The following DIAPH3 variants were observed in gnomAD, a reference collection of about 807,000 sequenced individuals.
DIAPH3 encodes protein diaphanous homolog 3.
A neutral mutation model predicts 144.3 loss-of-function variants in DIAPH3; 117 were observed. The ratio of observed to expected loss-of-function variants is 0.81; its 90% CI spans 0.70 to 0.95. DIAPH3 has a LOEUF of 0.95. Among genes scored for constraint, DIAPH3 ranks in the 40% least tolerant of loss-of-function variants. The pLI is 0.00. For missense variants in DIAPH3, 1,421 were observed against 1,412.7 expected (o/e 1.01, Z -0.09); for synonymous variants, 519 against 488.9 (o/e 1.06, Z -0.81).
intron 20 of DIAPH3, among the ~76,000 whole-genome samples, chr13:59,907,426 TGA>T (rs2046794477): frequency 6.6e-6 from 1 of 152,190 alleles, no homozygotes; most frequent in African/African-American, 2.4e-5. Flanking sequence ...TAGCATTAAA[TGA>T]GAGTTTATTG....
chr13:60,108,981 C>A (rs1002173472), intron 3 of DIAPH3, among the ~76,000 whole-genome samples: 2 of 152,124 alleles, frequency 1.3e-5, no homozygotes, highest in Non-Finnish European at 2.9e-5. Flanking sequence ...TGGATTATAA[C>A]TGCTCTTCTG....
intron 23 of DIAPH3, among the ~76,000 whole-genome samples, chr13:59,835,229 A>G (rs2041983255): frequency 6.6e-6 from 1 of 151,776 alleles, no homozygotes; most frequent in Non-Finnish European, 1.5e-5. Flanking sequence ...TCTGAGTTCC[A>G]CTGTATTCTA....
intron 5 of DIAPH3, among the ~76,000 whole-genome samples, chr13:60,025,382 C>A (rs1594391622): frequency 2.5e-5 from 3 of 120,492 alleles, no homozygotes; most frequent in Admixed American, 1.0e-4. Context: ...ATATAATGTC[C>A]AGTATTTCTA....
intron 20 of DIAPH3, among the ~76,000 whole-genome samples, chr13:59,886,942 G>A (rs1016654650): frequency 1.3e-5 from 2 of 151,996 alleles, no homozygotes; most frequent in African/African-American, 4.8e-5. Flanking sequence ...CTGAAAGGAA[G>A]TAATGCAAAT....
chr13:59,847,627 C>T (rs2042720773), intron 22 of DIAPH3, among the ~76,000 whole-genome samples: 1 of 152,086 alleles, frequency 6.6e-6, no homozygotes, highest in Admixed American at 6.6e-5. Flanking sequence ...TGTTTAATAA[C>T]AATATTCAAA....
chr13:59,855,645 G>A (rs1436503157), intron 22 of DIAPH3, among the ~76,000 whole-genome samples: 1 of 151,062 alleles, frequency 6.6e-6, no homozygotes, highest in Non-Finnish European at 1.5e-5. Context: ...CTGGCTTTAC[G>A]AACATAGGTT....
In DIAPH3 at chr13:59,952,096, C is replaced by T. The variant is rs2049127469; in HGVS notation, c.2074+17848G>A. 1.3e-5 allele frequency among the ~76,000 whole-genome samples: 2 copies of T among 152,128 alleles called. 1 individual carries two copies. Among genetic ancestry groups the T allele is most frequent in the South Asian group, 4.1e-4 (2 of 4,828 alleles). On this transcript the variant is annotated intron_variant, in intron 17 of 27. Transcript: ENST00000400324. ...ACCATTAAAAGAAACATAGCACTGA[C>T]ACATGCTACAATGCATACTCAAAAA...
intron 24 of DIAPH3, among the ~76,000 whole-genome samples, chr13:59,818,419 T>C (rs2040892340): frequency 6.6e-6 from 1 of 151,950 alleles, no homozygotes; most frequent in Non-Finnish European, 1.5e-5. Flanking sequence ...CTTCCATTTT[T>C]GCAATAAGTA....
At chr13:59,995,932 T>C (rs191147352) in intron 9 of DIAPH3, among the ~76,000 whole-genome samples, 1 of 152,070 alleles carries the variant, frequency 6.6e-6, no homozygotes, top group East Asian at 1.9e-4. Context: ...TTTTCAACCG[T>C]AGGTTTCAAC....
intron 9 of DIAPH3, among the ~76,000 whole-genome samples, chr13:60,008,269 G>A (rs1240534300): frequency 2.0e-5 from 3 of 151,982 alleles, no homozygotes; most frequent in African/African-American, 4.8e-5. Flanking sequence ...GGTGGCAGGC[G>A]CCTGTAGTCC....
chr13:59,934,470 T>C (rs1417938438), intron 17 of DIAPH3, among the ~76,000 whole-genome samples: 2 of 152,128 alleles, frequency 1.3e-5, no homozygotes, highest in African/African-American at 4.8e-5. Flanking sequence ...AAAAATAAAG[T>C]AAGCAAAATA....
At chr13:60,079,055 T>A (rs2057463351) in intron 4 of DIAPH3, among the ~76,000 whole-genome samples, 1 of 152,032 alleles carries the variant, frequency 6.6e-6, no homozygotes, top group South Asian at 2.1e-4. Flanking sequence ...CACGAGCCAA[T>A]ATGCTCTGTT....
intron 19 of DIAPH3, among the ~76,000 whole-genome samples, chr13:59,915,626 GA>G (rs924716142): frequency 2.6e-5 from 4 of 151,926 alleles, no homozygotes; most frequent in Non-Finnish European, 5.9e-5. Flanking sequence ...GTATTCATTT[GA>G]AAATACTATG....
At chr13:60,034,735 A>G (rs1217846758) in intron 5 of DIAPH3, 1 of 152,260 alleles carries the variant, frequency 6.6e-6, no homozygotes, top group Non-Finnish European at 1.5e-5. Flanking sequence ...AGTAACCGGG[A>G]CTACAGGCAT....
At chr13:59,941,556 C>G (rs2048534817) in intron 17 of DIAPH3, among the ~76,000 whole-genome samples, 2 of 152,156 alleles carry the variant, frequency 1.3e-5, no homozygotes, top group Admixed American at 6.5e-5. Context: ...CTCACAGAAG[C>G]CTCTACCAAT....
intron 2 of DIAPH3, among the ~76,000 whole-genome samples, chr13:60,123,215 A>G (rs1409372943): frequency 6.6e-6 from 1 of 152,172 alleles, no homozygotes; most frequent in African/African-American, 2.4e-5. Context: ...GTCTTCTAAG[A>G]TCAAGTGACC....
intron 17 of DIAPH3, among the ~76,000 whole-genome samples, chr13:59,957,840 C>G (rs1220230383): frequency 2.6e-5 from 4 of 152,162 alleles, no homozygotes; most frequent in Non-Finnish European, 5.9e-5. Flanking sequence ...ACACAATTAT[C>G]CCATTGGCTA....
chr13:59,864,687 G>A (rs190410923), intron 21 of DIAPH3, among the ~76,000 whole-genome samples: 3 of 152,114 alleles, frequency 2.0e-5, no homozygotes, highest in Non-Finnish European at 1.5e-5. Flanking sequence ...TAGCAACTTA[G>A]TTTAATAAAT....
At chr13:60,086,712 G>C (rs1840477967) in intron 4 of DIAPH3, among the ~76,000 whole-genome samples, 1 of 152,066 alleles carries the variant, frequency 6.6e-6, no homozygotes, top group South Asian at 2.1e-4. Flanking sequence ...ACCAAAAAGT[G>C]AGAGAAAATA....
Sources: allele counts gnomAD v4.1 joint callset (sites outside exome capture counted in the v4.1 genomes callset), GRCh38; gene constraint gnomAD v4.1.1; transcripts MANE v1.5; gene names NCBI Gene and HGNC (gene_info 2026-07-23, HGNC 2026-07-21).